Variants in TMED3 observed in about 807,000 individuals in gnomAD.
TMED3 encodes transmembrane emp24 domain-containing protein 3.
TMED3 carries 9 observed loss-of-function variants against 15.0 expected under a neutral mutation model. That is an observed-to-expected ratio of 0.60 (90% CI 0.36 to 1.04). The LOEUF (loss-of-function observed/expected upper bound fraction) is 1.04. Ranked by LOEUF, TMED3 falls within the 50% of genes least tolerant of loss-of-function variation. The pLI is 0.01. For missense variants in TMED3, 267 were observed against 278.9 expected (o/e 0.96, Z 0.30); for synonymous variants, 117 against 121.4 (o/e 0.96, Z 0.24).
chr15:79,406,701 C>T (rs540506550), intron 2 of TMED3, among the ~76,000 whole-genome samples: 1 of 152,312 alleles, frequency 6.6e-6, no homozygotes, highest in South Asian at 2.1e-4. Context: ...GACCTTTGCT[C>T]ATCAGAACTC....
intron 2 of TMED3, among the ~76,000 whole-genome samples, chr15:79,353,059 A>G (rs1239029926): frequency 9.7e-6 from 1 of 102,660 alleles, no homozygotes; most frequent in East Asian, 2.5e-4. Flanking sequence ...TAAAAAATGT[A>G]TATATAAAAA....
At chr15:79,398,299 C>A (rs892246259) in intron 2 of TMED3, among the ~76,000 whole-genome samples, 10 of 152,022 alleles carry the variant, frequency 6.6e-5, no homozygotes, top group African/African-American at 2.4e-4. Context: ...TCCTTCATGT[C>A]ATTTATTTTA....
At chr15:79,377,719 C>A (rs1031206130) in intron 2 of TMED3, among the ~76,000 whole-genome samples, 12 of 149,958 alleles carry the variant, frequency 8.0e-5, no homozygotes, top group African/African-American at 2.9e-4. Context: ...GCAATCTCGG[C>A]TCGCTGCAAG....
intron 2 of TMED3, among the ~76,000 whole-genome samples, chr15:79,387,048 C>A (rs1893635954): frequency 6.6e-6 from 1 of 151,826 alleles, no homozygotes; most frequent in African/African-American, 2.4e-5. Context: ...ATGCCACAGC[C>A]CCCTGAGTAG....
At chr15:79,382,859 A>T (rs1051440425) in intron 2 of TMED3, 1 of 1,041,870 alleles carries the variant, frequency 9.6e-7, no homozygotes, top group Non-Finnish European at 1.4e-6. Flanking sequence ...CTTTTATATT[A>T]TCTTTCATGG....
In TMED3 at chr15:79,313,763, A is replaced by T; in HGVS notation, c.175A>T (p.Thr59Ser). ...VKFSLDYQVI[T>S]GGHYDVDCYV... ...ATTTTTTTATGGTTGTCAGGTCATC[A>T]CTGGAGGCCACTACGATGTTGACTG... Residue 59 changes from threonine to serine, a missense_variant, in exon 2 of 3, where the codon ACT becomes TCT. Thr to Ser is a moderately conservative substitution (Grantham distance 58). Coordinates refer to ENST00000299705, the MANE Select transcript of TMED3 (RefSeq NM_007364.4). The T allele has an allele frequency of 1.2e-6, 2 of 1,613,156 alleles. No homozygotes were observed. The highest frequency in any genetic ancestry group is 3.3e-5 in the Admixed American group (2 of 59,980).
chr15:79,378,458 G>T lies in TMED3; in HGVS notation c.418-32942G>T, dbSNP rs61626985. 2.0e-3 allele frequency among the ~76,000 whole-genome samples: 299 copies of T among 152,316 alleles called. 5 individuals are homozygous for T. The East Asian group carries it at 0.03, about 15-fold the overall frequency. On this transcript the variant is annotated intron_variant, in intron 2 of 2. Transcript: ENST00000424155. ...TGGCTTCTCCATCCTTGAGCGCCTT[G>T]TCATCTTAGCAGAATCCAGCTGGAG...
intron 2 of TMED3, among the ~76,000 whole-genome samples, chr15:79,406,266 C>G (rs1893901916): frequency 6.6e-6 from 1 of 152,176 alleles, no homozygotes; most frequent in Non-Finnish European, 1.5e-5. Context: ...TTCCACTCAC[C>G]CTTTGTGCTT....
intron 2 of TMED3, among the ~76,000 whole-genome samples, chr15:79,318,005 C>T (rs936649745): frequency 6.6e-6 from 1 of 152,220 alleles, no homozygotes; most frequent in Non-Finnish European, 1.5e-5. Context: ...CTGTGAGCTT[C>T]CACCTCCCCA....
rs748760795 is a variant in TMED3, at chr15:79,322,263, C to T, written c.*49C>T. ...CCTCATGCCCCAGGCTGGAGCAGCT[C>T]TCCTAGGTCACAGCCTGCTGGGCTG... is the stretch of plus-strand genomic sequence containing the variant. On this transcript the variant is annotated 3_prime_UTR_variant, in exon 3 of 3. Transcript: ENST00000299705. 24 of 1,576,410 alleles carry T rather than the reference C, an allele frequency of 1.5e-5. No individual in the cohort carries two copies. In the South Asian group the frequency reaches 2.0e-4, roughly 13 times the overall value.
chr15:79,326,004 C>T (rs2058786147), downstream of TMED3, among the ~76,000 whole-genome samples: 1 of 152,166 alleles, frequency 6.6e-6, no homozygotes. Flanking sequence ...GCAGCACCTT[C>T]ACAGACACAC....
At chr15:79,357,464 C>CA (rs59897659) in intron 2 of TMED3, among the ~76,000 whole-genome samples, 36,802 of 87,382 alleles carry the variant, frequency 0.42, 7,911 homozygotes, top group African/African-American at 0.48. Flanking sequence ...CACCCTGCCT[C>CA]AAAAAAAAAA....
chr15:79,331,253 C>G (rs1442760792), intron 2 of TMED3, among the ~76,000 whole-genome samples: 1 of 152,154 alleles, frequency 6.6e-6, no homozygotes, highest in African/African-American at 2.4e-5. Flanking sequence ...GACATAAACC[C>G]AAACCATAAC....
At position 79,367,333 on chromosome 15, in the gene TMED3, G is replaced by A. The variant is rs142150298; in HGVS notation, c.418-44067G>A. 2.4e-3 allele frequency among the ~76,000 whole-genome samples: 366 copies of A among 150,448 alleles called. 1 individual carries two copies. Among genetic ancestry groups the A allele is most frequent in the African/African-American group, 8.5e-3 (348 of 40,902 alleles). The stretch of plus-strand genomic sequence containing the variant: ...GAAGTCTTCTCACCTGGTGCAGTAG[G>A]ACCAGCGATCCACACTGGGTTTGCA... On this transcript the variant is annotated intron_variant, in intron 2 of 2. Transcript: ENST00000424155.
intron 2 of TMED3, among the ~76,000 whole-genome samples, chr15:79,343,724 G>A (rs2058859351): frequency 6.6e-6 from 1 of 152,158 alleles, no homozygotes; most frequent in South Asian, 2.1e-4. Flanking sequence ...TGAAGGATGT[G>A]GGACAGGCTC....
At chr15:79,328,961 C>G (rs1332283148) in intron 2 of TMED3, among the ~76,000 whole-genome samples, 3 of 152,164 alleles carry the variant, frequency 2.0e-5, no homozygotes, top group Non-Finnish European at 2.9e-5. Flanking sequence ...TGCTGTTGGC[C>G]CTATGGGACA....
chr15:79,314,104 G>C (rs1408095788), intron 2 of TMED3, 99 bp downstream of exon 2: 1 of 1,494,940 alleles, frequency 6.7e-7, no homozygotes, highest in Non-Finnish European at 9.0e-7. Context: ...CATCCATCCA[G>C]CTCCCAGTCT....
chr15:79,351,921 C>T (rs1482848993), intron 2 of TMED3, among the ~76,000 whole-genome samples: 1 of 151,968 alleles, frequency 6.6e-6, no homozygotes, highest in Non-Finnish European at 1.5e-5. Flanking sequence ...TTTGCAGTAA[C>T]GTGGACTGAA....
intron 2 of TMED3, among the ~76,000 whole-genome samples, chr15:79,410,393 C>T (rs1019708083): frequency 6.6e-5 from 10 of 152,122 alleles, no homozygotes; most frequent in East Asian, 3.9e-4. Context: ...GAGAGGGTGA[C>T]GCTGTCATCT....
Sources: allele counts gnomAD v4.1 joint callset (sites outside exome capture counted in the v4.1 genomes callset), GRCh38; gene constraint gnomAD v4.1.1; transcripts MANE v1.5; gene names NCBI Gene and HGNC (gene_info 2026-07-23, HGNC 2026-07-21).